The following DYNC1H1 variants were observed in gnomAD, a reference collection of about 807,000 sequenced individuals.
The protein encoded by DYNC1H1 is dynein cytoplasmic 1 heavy chain 1.
A neutral mutation model predicts 527.1 loss-of-function variants in DYNC1H1; 51 were observed. The observed-to-expected ratio is 0.10, with a 90% CI of 0.08 to 0.12. The LOEUF is 0.12. Among genes scored for constraint, DYNC1H1 ranks in the 10% least tolerant of loss-of-function variants. The probability of loss-of-function intolerance (pLI) is 1.00; values close to 1 mark genes in which losing one functional copy is unlikely to be tolerated. For missense variants in DYNC1H1, 2,771 were observed against 5,971.8 expected (o/e 0.46, Z 17.66); for synonymous variants, 2,189 against 2,278.8 (o/e 0.96, Z 1.12).
intron 2 of DYNC1H1, 109 bp downstream of exon 2, chr14:101,975,908 A>AT: frequency 1.1e-6 from 1 of 939,800 alleles, no homozygotes; most frequent in Admixed American, 2.7e-5. Context: ...ATTAATATAA[A>AT]TCTTTTTTTT....
At chr14:101,968,385 G>A (rs2047692558) in intron 1 of DYNC1H1, among the ~76,000 whole-genome samples, 1 of 151,992 alleles carries the variant, frequency 6.6e-6, no homozygotes, top group African/African-American at 2.4e-5. Flanking sequence ...TCGGCCTCCT[G>A]GGCTCCCAGT....
chr14:102,017,163 A>C lies in DYNC1H1; in HGVS notation c.7924A>C (p.Arg2642=). 6.2e-7 allele frequency: 1 copy of C among 1,614,244 alleles called. No homozygotes were observed. Among genetic ancestry groups the C allele is most frequent in the South Asian group, 1.1e-5 (1 of 91,084 alleles). Residue 2642 remains arginine (R), a synonymous_variant, in exon 39 of 78, where the codon AGG becomes CGG. Transcript: ENST00000360184. The surrounding 1 kb of genome is among the most constrained non-coding windows in gnomAD (Gnocchi z 4.6). ...LKTFDHYCEY[R]RTPNGVVLAP... Reference sequence around the variant, plus strand: ...GACTTTTGATCACTACTGCGAGTACAGGCGCACACCTAATGGGGTGGTTTT... The same window carrying C: ...GACTTTTGATCACTACTGCGAGTACCGGCGCACACCTAATGGGGTGGTTTT...
At chr14:101,991,159 T>A (rs904689691) in intron 10 of DYNC1H1, among the ~76,000 whole-genome samples, 4 of 150,948 alleles carry the variant, frequency 2.6e-5, no homozygotes, top group Admixed American at 2.0e-4. Flanking sequence ...GGTGACAGAG[T>A]GAGACCCTAT....
rs933106985 is a variant in DYNC1H1, at chr14:102,055,836, C to T, written c.*5273C>T. 2 of 152,578 alleles carry T rather than the reference C, an allele frequency of 1.3e-5. No homozygotes were observed. Among genetic ancestry groups the T allele is most frequent in the Non-Finnish European group, 2.9e-5 (2 of 68,282 alleles). The allele number at this position is 152,578 out of a possible 1,614,324, so 9.5% of individuals were successfully genotyped here. On this transcript the variant is annotated 3_prime_UTR_variant, in exon 78 of 78. Coordinates refer to ENST00000360184, the MANE Select transcript of DYNC1H1 (RefSeq NM_001376.5). The stretch of plus-strand genomic sequence containing the variant: ...ATTCAGCCACATCTCCCCACTTCCC[C>T]GCCTGGCCCTGGGCCCCGCTATTCC...
chr14:101,991,362 C>G (rs574470246), intron 10 of DYNC1H1, among the ~76,000 whole-genome samples, 165 bp from the exon 11 acceptor site: 1 of 152,250 alleles, frequency 6.6e-6, no homozygotes, highest in South Asian at 2.1e-4. Context: ...ATCCCAGCTA[C>G]TTGGGAGGCT....
At chr14:102,000,432 A>C in intron 18 of DYNC1H1, 33 bp downstream of exon 18, 1 of 1,601,754 alleles carries the variant, frequency 6.2e-7, no homozygotes. Flanking sequence ...GTGTACGTCT[A>C]TTTTAACAGT....
rs2152596217 is a variant in DYNC1H1, at chr14:102,041,503, A to G, written c.11942-71A>G. 1.2e-6 allele frequency: 2 copies of G among 1,609,376 alleles called. No individual in the cohort carries two copies. The highest frequency in any genetic ancestry group is 1.7e-6 in the Non-Finnish European group (2 of 1,177,776). On this transcript the variant is annotated intron_variant, in intron 64 of 77. Coordinates refer to ENST00000360184, the MANE Select transcript of DYNC1H1 (RefSeq NM_001376.5). The surrounding 1 kb of genome is among the most constrained non-coding windows in gnomAD (Gnocchi z 4.5). ...GCTGAGTGGGTACTTTGGGAAGAAC[A>G]GTCCAGGCAGGGGAGGGCGTCTCTG... is the stretch of plus-strand genomic sequence containing the variant.
Position 102,018,451 on chromosome 14 carries a change from G to A in DYNC1H1, c.8178G>A (p.Arg2726=), listed in dbSNP as rs777685040. Residue 2726 remains arginine (R), a splice_region_variant and synonymous_variant, in exon 41 of 78, where the codon AGG becomes AGA. Transcript: ENST00000360184. The surrounding 1 kb of genome is among the most constrained non-coding windows in gnomAD (Gnocchi z 5.2). ...TDPGRKPLSH[R]FLRHVPVVYV... ...GCTGAGCGGGGCTATCTGTGCACAGGTTCCTGCGCCACGTGCCTGTCGTGT... is the reference window on the plus strand; with the variant it reads ...GCTGAGCGGGGCTATCTGTGCACAGATTCCTGCGCCACGTGCCTGTCGTGT... 3 of 1,613,188 alleles carry A rather than the reference G, an allele frequency of 1.9e-6. No individual in the cohort carries two copies. The highest frequency in any genetic ancestry group is 1.3e-5 in the African/African-American group (1 of 74,924).
intron 1 of DYNC1H1, among the ~76,000 whole-genome samples, chr14:101,971,085 CTTTTTTTTTTTTT>C (rs780745783): frequency 1.6e-5 from 1 of 64,072 alleles, no homozygotes; most frequent in Non-Finnish European, 2.9e-5. Context: ...CCGTATCATT[CTTTTTTTTTTTTT>C]TTTTTTTTTT....
chr14:102,048,193 G>A (rs917660759), intron 73 of DYNC1H1, 165 bp downstream of exon 73: 1 of 923,006 alleles, frequency 1.1e-6, no homozygotes, highest in Non-Finnish European at 1.6e-6. Flanking sequence ...CATTGGGCAA[G>A]ATGAGTTGGC....
At chr14:101,978,117 C>T (rs1333029731) in intron 2 of DYNC1H1, among the ~76,000 whole-genome samples, 1 of 152,170 alleles carries the variant, frequency 6.6e-6, no homozygotes, top group Non-Finnish European at 1.5e-5. Context: ...TGCAGTGGTG[C>T]GATCTCGGCT....
Position 102,017,293 on chromosome 14 carries a change from A to G in DYNC1H1, c.8054A>G (p.Gln2685Arg). The change falls in exon 39 of 78, where the codon CAG (glutamine) becomes CGG (arginine). Residue 2685 changes from glutamine to arginine, a missense_variant and splice_region_variant. Around this residue, in one of 32 missense-constraint regions of DYNC1H1, gnomAD observed 163 missense variants for 346.9 expected, o/e 0.47. Transcript: ENST00000360184. The surrounding 1 kb of genome is among the most constrained non-coding windows in gnomAD (Gnocchi z 4.6). ...CAGAGGGTCATATCCTTCATCAGACAGGTTTGTTTCTATCCACAAGGCCCT... is the reference window on the plus strand; with the variant it reads ...CAGAGGGTCATATCCTTCATCAGACGGGTTTGTTTCTATCCACAAGGCCCT... ...GTQRVISFIR[Q>R]MVEHGGFYRT... 1.9e-6 allele frequency: 3 copies of G among 1,614,244 alleles called. No homozygotes were observed. Among genetic ancestry groups the G allele is most frequent in the Non-Finnish European group, 2.5e-6 (3 of 1,180,042 alleles).
intron 10 of DYNC1H1, 58 bp downstream of exon 10, chr14:101,988,910 TA>T: frequency 6.2e-7 from 1 of 1,606,554 alleles, no homozygotes; most frequent in South Asian, 1.1e-5. Context: ...ACTCTCTCGT[TA>T]AAAAACACCT....
Position 101,986,800 on chromosome 14 carries a change from G to T in DYNC1H1, c.2538+37G>T. ...TGTAATCCTCAGGTGTCCTGGTAAC[G>T]AATGAAGCACAGTAATAGCGAGCTC... On this transcript the variant is annotated intron_variant, in intron 8 of 77. Coordinates refer to ENST00000360184, the MANE Select transcript of DYNC1H1 (RefSeq NM_001376.5). This position sits in a 1 kb window ranked among gnomAD's most constrained non-coding sequence, Gnocchi z 8.7. The T allele has an allele frequency of 1.2e-6, 2 of 1,610,208 alleles. No homozygotes were observed. Among genetic ancestry groups the T allele is most frequent in the South Asian group, 1.1e-5 (1 of 90,908 alleles).
In DYNC1H1 at chr14:102,009,389, C is replaced by T. The variant is rs190833048; in HGVS notation, c.5978-454C>T. The T allele has an allele frequency of 9.2e-5, 18 of 195,370 alleles. No individual in the cohort carries two copies. The East Asian group carries it at 2.3e-3, about 25-fold the overall frequency. 12.1% of individuals were successfully genotyped at this position (195,370 alleles called of 1,614,324 possible). ...TCAGTATTCTCTTAAGGCGAGAATA[C>T]ACTTTGTTCCAAAGTGGCTCAGAGG... On this transcript the variant is annotated intron_variant, in intron 29 of 77. Coordinates refer to ENST00000360184, the MANE Select transcript of DYNC1H1 (RefSeq NM_001376.5).
At position 102,041,931 on chromosome 14, in the gene DYNC1H1, C is replaced by G. The variant is rs1457985221; in HGVS notation, c.12103-82C>G. On this transcript the variant is annotated intron_variant, in intron 65 of 77. Transcript: ENST00000360184. The surrounding 1 kb of genome is among the most constrained non-coding windows in gnomAD (Gnocchi z 4.5). ...CCCAGAAAGAACATCTTCTCAGGCC[C>G]CTCACTCGGGGCTCTCCTTTCCCTT... 5.8e-6 allele frequency: 9 copies of G among 1,538,722 alleles called. No homozygotes were observed. The highest frequency in any genetic ancestry group is 2.7e-5 in the African/African-American group (2 of 73,142).
At position 101,965,891 on chromosome 14, in the gene DYNC1H1, C is replaced by G. The variant is rs2047662019; in HGVS notation, c.256+944C>G. Among the ~76,000 whole-genome samples, 1 of 151,868 alleles carries G rather than the reference C, an allele frequency of 6.6e-6. No individual in the cohort carries two copies. ...TAGAGTTAGCGTGTTCCAGCTGTCT[C>G]CTCAAATAATGATCGCCCACCAGCA... On this transcript the variant is annotated intron_variant, in intron 1 of 77. Coordinates refer to ENST00000360184, the MANE Select transcript of DYNC1H1 (RefSeq NM_001376.5). This position sits in a 1 kb window ranked among gnomAD's most constrained non-coding sequence, Gnocchi z 4.1.
chr14:102,030,107 T>C (rs917460681), intron 50 of DYNC1H1, 55 bp from the exon 51 acceptor site: 23 of 1,613,436 alleles, frequency 1.4e-5, no homozygotes, highest in Non-Finnish European at 1.7e-5. Flanking sequence ...GTTTAGAATT[T>C]AGTCAGCAAA....
chr14:102,041,689 C>T lies in DYNC1H1; in HGVS notation c.12057C>T (p.Ser4019=), dbSNP rs201290175. 3 of 1,614,084 alleles carry T rather than the reference C, an allele frequency of 1.9e-6. No individual in the cohort carries two copies. In the African/African-American group the frequency reaches 4.0e-5, roughly 22 times the overall value. ...CAAACCTTGGGGAGTCTTTCATGTC[C>T]ATCATGGAGCAGCCGCTCGACCTGA... ...VSTNLGESFM[S]IMEQPLDLTH... is the part of the protein sequence containing the mutation. The change falls in exon 65 of 78, where the codon TCC becomes TCT. Residue 4019 remains serine, a synonymous_variant. Transcript: ENST00000360184. The surrounding 1 kb of genome is among the most constrained non-coding windows in gnomAD (Gnocchi z 4.5).
Sources: gnomAD v4.1 joint callset for allele counts (sites outside exome capture counted in the v4.1 genomes callset) on GRCh38, gnomAD v4.1.1 for gene constraint, gnomAD v4.1.1 regional missense constraint, Gnocchi (gnomAD v3.1) non-coding constraint, MANE v1.5 for transcripts, NCBI Gene and HGNC (gene_info 2026-07-23, HGNC 2026-07-21) for gene names.